PLAGL1: variants seen among roughly 807,000 people sequenced by gnomAD.
The protein encoded by PLAGL1 is zinc finger protein PLAGL1.
In PLAGL1, 1 loss-of-function variant was observed where a neutral mutation model predicts 4.6. That is an observed-to-expected ratio of 0.22 (90% CI 0.08 to 1.03). The LOEUF (loss-of-function observed/expected upper bound fraction) is 1.03, where lower values mean the gene tolerates loss of function less well. Among genes scored for constraint, PLAGL1 ranks in the 50% least tolerant of loss-of-function variants. The pLI is 0.58. For missense variants in PLAGL1, 464 were observed against 570.4 expected, an observed-to-expected ratio of 0.81 and a Z score of 1.90; for synonymous variants, 240 against 237.8, an observed-to-expected ratio of 1.01 and a Z score of -0.08.
At position 143,947,174 on chromosome 6, in the gene PLAGL1, T is replaced by C. The variant is rs1779971681; in HGVS notation, c.152+811A>G. 1.3e-5 allele frequency among the ~76,000 whole-genome samples: 2 copies of C among 152,228 alleles called. No homozygotes were observed. Among genetic ancestry groups the C allele is most frequent in the African/African-American group, 4.8e-5 (2 of 41,462 alleles). ...ACTGATCAAATGCACATGCTGCTCA[T>C]CTGCATACCCACCTGAACTCCACTT... On this transcript the variant is annotated intron_variant, in intron 7 of 7. Transcript: ENST00000674357. This position sits in a 1 kb window ranked among gnomAD's most constrained non-coding sequence, Gnocchi z 4.3.
chr6:144,056,297 G>A lies in PLAGL1; in HGVS notation c.-151+8171C>T, dbSNP rs927137884. Among the ~76,000 whole-genome samples, 3 of 152,120 alleles carry A rather than the reference G, an allele frequency of 2.0e-5. No homozygotes were observed. Among genetic ancestry groups the A allele is most frequent in the African/African-American group, 7.2e-5 (3 of 41,422 alleles). ...TTACCGGCATCCCCACCAGGATGGC[G>A]CATTTGTTCCAACTGTTCAATCCAC... On this transcript the variant is annotated intron_variant, in intron 1 of 3. Coordinates refer to the PLAGL1 transcript ENST00000437412. The surrounding 1 kb of genome is among the most constrained non-coding windows in gnomAD (Gnocchi z 4.7).
intron 1 of PLAGL1, among the ~76,000 whole-genome samples, chr6:144,017,881 A>T (rs1360602315): frequency 6.6e-6 from 1 of 152,182 alleles, no homozygotes; most frequent in African/African-American, 2.4e-5. Context: ...CTCTGACTGC[A>T]GTAAGACTCT....
chr6:144,020,871 T>G (rs1229299379), intron 1 of PLAGL1, among the ~76,000 whole-genome samples: 1 of 146,352 alleles, frequency 6.8e-6, no homozygotes, highest in East Asian at 1.9e-4. Flanking sequence ...TAATATAAAA[T>G]ATATAGTATA....
chr6:143,942,460 T>C lies in PLAGL1; in HGVS notation c.356A>G (p.Asp119Gly). The change falls in exon 8 of 8, where the codon GAC (aspartate) becomes GGC (glycine). Residue 119 changes from aspartate to glycine, a missense_variant. Asp to Gly is a moderately conservative substitution (Grantham distance 94). This residue lies in a region of PLAGL1 where 161 missense variants were observed against 196.7 expected (regional missense o/e 0.82). Transcript: ENST00000674357. This position sits in a 1 kb window ranked among gnomAD's most constrained non-coding sequence, Gnocchi z 7.6. ...HLALHAASSGDLTCGVCALEL... is the reference protein window; with the variant it reads ...HLALHAASSGGLTCGVCALEL... ...CAGGGCACAGACCCCACAGGTGAGG[T>C]CCCCACTGCTGGCCGCATGGAGGGC... The C allele has an allele frequency of 6.2e-7, 1 of 1,614,058 alleles. No individual in the cohort carries two copies. Among genetic ancestry groups the C allele is most frequent in the Non-Finnish European group, 8.5e-7 (1 of 1,179,990 alleles).
chr6:144,017,783 C>T (rs1357709598), intron 1 of PLAGL1, among the ~76,000 whole-genome samples: 2 of 152,208 alleles, frequency 1.3e-5, no homozygotes, highest in Non-Finnish European at 2.9e-5. Flanking sequence ...CTGCTCTCCC[C>T]TGGAAATCTT....
chr6:144,004,458 C>T lies in PLAGL1; in HGVS notation c.-584+3632G>A, dbSNP rs1396176580. Among the ~76,000 whole-genome samples the T allele has an allele frequency of 6.6e-6, 1 of 152,214 alleles. No homozygotes were observed. The highest frequency in any genetic ancestry group is 1.9e-4 in the East Asian group (1 of 5,202). On this transcript the variant is annotated intron_variant, in intron 1 of 7. Coordinates refer to ENST00000674357, the MANE Select transcript of PLAGL1 (RefSeq NM_001317162.2). The surrounding 1 kb of genome is among the most constrained non-coding windows in gnomAD (Gnocchi z 4.2). Reference sequence around the variant, plus strand: ...TAAAAAACAAACAAAAATTCTTATACATGCAACATGGATGAATACAATGTG... The same window carrying T: ...TAAAAAACAAACAAAAATTCTTATATATGCAACATGGATGAATACAATGTG...
At chr6:143,998,591 T>G (rs1368920273) in intron 1 of PLAGL1, among the ~76,000 whole-genome samples, 1 of 152,190 alleles carries the variant, frequency 6.6e-6, no homozygotes, top group African/African-American at 2.4e-5. Context: ...TGTCAGCCAC[T>G]TGAACCCTAT....
rs67928472 is a variant in PLAGL1 at position 144,027,234 on chromosome 6, C to CGAAAGAAAGAAA, written c.-151+37222_-151+37233dup. On this transcript the variant is annotated intron_variant, in intron 1 of 3. Coordinates refer to the PLAGL1 transcript ENST00000437412. The surrounding 1 kb of genome is among the most constrained non-coding windows in gnomAD (Gnocchi z 5.8). ...GAAAGACCCCAACTCAAAGAACGAA[C>CGAAAGAAAGAAA]GAAAGAAAGAAAGAAAGAAAGAAAG... is the stretch of plus-strand genomic sequence containing the variant. 0.013 allele frequency among the ~76,000 whole-genome samples: 1,415 copies of CGAAAGAAAGAAA among 111,472 alleles called. 27 individuals are homozygous for CGAAAGAAAGAAA. The highest frequency in any genetic ancestry group is 0.021 in the East Asian group (87 of 4,216). 73.1% of individuals were successfully genotyped at this position (111,472 alleles called of 152,430 possible). A position where few individuals can be genotyped will look rare whatever the true frequency, so the allele number is the denominator to read the frequency against.
chr6:144,004,562 G>C lies in PLAGL1; in HGVS notation c.-584+3528C>G, dbSNP rs1354287905. Among the ~76,000 whole-genome samples, 1 of 152,142 alleles carries C rather than the reference G, an allele frequency of 6.6e-6. No homozygotes were observed. Among genetic ancestry groups the C allele is most frequent in the Non-Finnish European group, 1.5e-5 (1 of 68,038 alleles). Reference sequence around the variant, plus strand: ...AAATAATACATGGTCATAGAAATCGGGACAGTAGTTGACTGGGGGAAGCGA... The same window carrying C: ...AAATAATACATGGTCATAGAAATCGCGACAGTAGTTGACTGGGGGAAGCGA... On this transcript the variant is annotated intron_variant, in intron 1 of 7. Transcript: ENST00000674357. This position sits in a 1 kb window ranked among gnomAD's most constrained non-coding sequence, Gnocchi z 4.2.
intron 7 of PLAGL1, among the ~76,000 whole-genome samples, chr6:143,944,771 C>A (rs559181764): frequency 7.0e-6 from 1 of 142,998 alleles, no homozygotes; most frequent in Admixed American, 7.5e-5. Context: ...CTTACACACT[C>A]AGTATTTAAA....
chr6:144,050,067 C>T lies in PLAGL1; in HGVS notation c.-151+14401G>A, dbSNP rs1199970099. ...AGCCATTCACAATTTAGAGCCTCGG[C>T]TTTTTGAATGAAGTAGGAGAGTAGT... is the stretch of plus-strand genomic sequence containing the variant. On this transcript the variant is annotated intron_variant, in intron 1 of 3. Transcript: ENST00000437412. The surrounding 1 kb of genome is among the most constrained non-coding windows in gnomAD (Gnocchi z 4.3). 1.3e-5 allele frequency among the ~76,000 whole-genome samples: 2 copies of T among 152,044 alleles called. No individual in the cohort carries two copies. Among genetic ancestry groups the T allele is most frequent in the Non-Finnish European group, 2.9e-5 (2 of 67,988 alleles).
intron 1 of PLAGL1, among the ~76,000 whole-genome samples, chr6:143,987,831 CTCTG>C (rs1278672753): frequency 1.3e-5 from 2 of 152,230 alleles, no homozygotes; most frequent in East Asian, 3.9e-4. Context: ...TCTCTGAAAA[CTCTG>C]TCTAAAACAT....
intron 1 of PLAGL1, among the ~76,000 whole-genome samples, chr6:144,049,145 C>T (rs769460625): frequency 2.0e-5 from 3 of 152,216 alleles, no homozygotes; most frequent in Non-Finnish European, 4.4e-5. Flanking sequence ...CTCCAGTTCC[C>T]AAGACTTTCC....
At chr6:144,058,062 AC>A (rs1799118892) in intron 1 of PLAGL1, among the ~76,000 whole-genome samples, 1 of 152,176 alleles carries the variant, frequency 6.6e-6, no homozygotes, top group Admixed American at 6.5e-5. Flanking sequence ...TACAGGAATA[AC>A]TGAGACTGGT....
At chr6:144,007,184 G>A (rs1391567600) in intron 1 of PLAGL1, 1 of 152,190 alleles carries the variant, frequency 6.6e-6, no homozygotes, top group African/African-American at 2.4e-5. Context: ...AAACATCAGA[G>A]AACATTTTAT....
intron 1 of PLAGL1, among the ~76,000 whole-genome samples, chr6:143,987,360 T>C (rs1260330080): frequency 1.3e-5 from 2 of 150,118 alleles, no homozygotes; most frequent in Non-Finnish European, 3.0e-5. Flanking sequence ...AGGTTGGCTC[T>C]ACTTCATCAG....
rs1010808761 is a variant in PLAGL1 at position 143,975,624 on chromosome 6, T to C, written c.-543-6646A>G. 1.3e-5 allele frequency among the ~76,000 whole-genome samples: 2 copies of C among 152,236 alleles called. No homozygotes were observed. Among genetic ancestry groups the C allele is most frequent in the Non-Finnish European group, 2.9e-5 (2 of 68,026 alleles). ...AACATTCAGTCTCTAGATTGCATGATTCCTTGCATTAAAAGTTTAGCCTTC... is the reference window on the plus strand; with the variant it reads ...AACATTCAGTCTCTAGATTGCATGACTCCTTGCATTAAAAGTTTAGCCTTC... On this transcript the variant is annotated intron_variant, in intron 2 of 7. Transcript: ENST00000674357. This position sits in a 1 kb window ranked among gnomAD's most constrained non-coding sequence, Gnocchi z 5.8.
At chr6:144,046,437 C>T (rs1798149856) in intron 1 of PLAGL1, among the ~76,000 whole-genome samples, 1 of 152,178 alleles carries the variant, frequency 6.6e-6, no homozygotes, top group Non-Finnish European at 1.5e-5. Context: ...TTCTAACAGT[C>T]AGGTCTCTCA....
intron 1 of PLAGL1, among the ~76,000 whole-genome samples, chr6:144,062,351 T>G (rs1799477432): frequency 6.8e-6 from 1 of 147,738 alleles, no homozygotes; most frequent in African/African-American, 2.5e-5. Context: ...CACTCCAGCC[T>G]GGGTGACAGA....
Sources: gnomAD v4.1 joint callset for allele counts (sites outside exome capture counted in the v4.1 genomes callset) on GRCh38, gnomAD v4.1.1 for gene constraint, gnomAD v4.1.1 regional missense constraint, Gnocchi (gnomAD v3.1) non-coding constraint, MANE v1.5 for transcripts, NCBI Gene and HGNC (gene_info 2026-07-23, HGNC 2026-07-21) for gene names.